Variants in MED27 observed in about 807,000 individuals in gnomAD.
MED27 encodes mediator complex subunit 27.
Under a neutral mutation model 38.2 loss-of-function variants are expected in MED27, and 30 were observed. That is an observed-to-expected ratio of 0.79 (90% CI 0.59 to 1.07). The LOEUF (loss-of-function observed/expected upper bound fraction) is 1.07. MED27 is among the 50% of genes least tolerant of loss of function. The pLI is 0.00. For synonymous variants in MED27, 122 were observed against 153.5 expected (o/e 0.79, Z 1.52); for missense variants, 289 against 397.5 (o/e 0.73, Z 2.32).
chr9:131,903,255 A>C (rs1312427436), intron 4 of MED27, among the ~76,000 whole-genome samples: 1 of 152,084 alleles, frequency 6.6e-6, no homozygotes, highest in Non-Finnish European at 1.5e-5. Context: ...GCAGGCAAAG[A>C]GAGAGCTTGT....
intron 4 of MED27, among the ~76,000 whole-genome samples, chr9:131,922,222 G>A (rs1285521822): frequency 6.6e-6 from 1 of 151,764 alleles, no homozygotes; most frequent in Non-Finnish European, 1.5e-5. Context: ...AAAAGAAAGA[G>A]CTTTCCCACA....
chr9:131,876,083 G>A (rs370791486), intron 6 of MED27, among the ~76,000 whole-genome samples: 8 of 152,204 alleles, frequency 5.3e-5, no homozygotes, highest in Admixed American at 1.3e-4. Flanking sequence ...CTTAGAGAGC[G>A]GATGGGTGGG....
chr9:131,939,549 C>T lies in MED27; in HGVS notation c.480-75G>A, dbSNP rs1830746984. ...CTACAGATTAATAGTATTCAAAAGA[C>T]ATTGCTTTTAAATATAATTTTAAAT... On this transcript the variant is annotated intron_variant, in intron 3 of 7. Transcript: ENST00000292035. 1.2e-5 allele frequency: 10 copies of T among 868,352 alleles called. 1 individual carries two copies. The South Asian group carries it at 2.0e-4, about 17-fold the overall frequency. 53.8% of individuals were successfully genotyped at this position (868,352 alleles called of 1,614,324 possible). A position where few individuals can be genotyped will look rare whatever the true frequency, so the allele number is the denominator to read the frequency against.
chr9:132,053,012 G>A (rs1367248072), intron 2 of MED27, among the ~76,000 whole-genome samples: 1 of 152,166 alleles, frequency 6.6e-6, no homozygotes, highest in South Asian at 2.1e-4. Context: ...CCAGCACTTT[G>A]GGAGGCCGAG....
intron 3 of MED27, among the ~76,000 whole-genome samples, chr9:131,966,196 CT>C (rs201303532): frequency 9.7e-5 from 8 of 82,198 alleles, no homozygotes; most frequent in African/African-American, 3.5e-4. Flanking sequence ...GAGCCTGTTT[CT>C]TTAAAAAAAA....
rs1295712000 is a variant in MED27, at chr9:131,968,755, T to A, written c.480-29281A>T. On this transcript the variant is annotated intron_variant, in intron 3 of 7. Coordinates refer to ENST00000292035, the MANE Select transcript of MED27 (RefSeq NM_004269.4). Reference sequence around the variant, plus strand: ...CCTGGGCCACAGACGGGTACCAGTCTGAGCCTGTTAGGAACTGGGCCGCAC... The same window carrying A: ...CCTGGGCCACAGACGGGTACCAGTCAGAGCCTGTTAGGAACTGGGCCGCAC... Among the ~76,000 whole-genome samples, 10 of 152,226 alleles carry A rather than the reference T, an allele frequency of 6.6e-5. 1 individual carries two copies. Among genetic ancestry groups the A allele is most frequent in the Admixed American group, 6.5e-4 (10 of 15,288 alleles).
intron 2 of MED27, among the ~76,000 whole-genome samples, chr9:132,028,858 C>T (rs538769481): frequency 2.6e-5 from 4 of 152,288 alleles, no homozygotes; most frequent in Admixed American, 6.5e-5. Flanking sequence ...CAGGAATTCA[C>T]ACTGTAACAA....
At chr9:132,064,756 T>C (rs1589298531) in intron 2 of MED27, among the ~76,000 whole-genome samples, 1 of 152,162 alleles carries the variant, frequency 6.6e-6, no homozygotes, top group Non-Finnish European at 1.5e-5. Flanking sequence ...CAAGACAAAA[T>C]TTCCTTCATG....
intron 3 of MED27, among the ~76,000 whole-genome samples, chr9:131,988,650 G>T (rs573844139): frequency 5.3e-5 from 8 of 151,260 alleles, no homozygotes; most frequent in African/African-American, 1.7e-4. Flanking sequence ...TTTTTTTTGC[G>T]GGGGGATTGG....
intron 4 of MED27, among the ~76,000 whole-genome samples, chr9:131,929,945 G>A (rs777264892): frequency 5.3e-5 from 8 of 152,206 alleles, no homozygotes; most frequent in Non-Finnish European, 1.2e-4. Context: ...TGCTGCGCTG[G>A]CCTCAAGTCT....
At chr9:132,046,469 T>C (rs1287347420) in intron 2 of MED27, among the ~76,000 whole-genome samples, 1 of 152,096 alleles carries the variant, frequency 6.6e-6, no homozygotes, top group Non-Finnish European at 1.5e-5. Context: ...TGGATGCAAG[T>C]AAGACAGAGG....
At chr9:131,983,117 C>T (rs1413385684) in intron 3 of MED27, among the ~76,000 whole-genome samples, 1 of 152,162 alleles carries the variant, frequency 6.6e-6, no homozygotes, top group Non-Finnish European at 1.5e-5. Context: ...TTGTCCCAGG[C>T]ATAATACTAG....
chr9:131,985,968 AAAAT>A (rs1393309810), intron 3 of MED27, among the ~76,000 whole-genome samples: 5 of 152,102 alleles, frequency 3.3e-5, no homozygotes, highest in African/African-American at 9.6e-5. Context: ...AAGTAAGAAA[AAAAT>A]AAATAAAATA....
intron 3 of MED27, among the ~76,000 whole-genome samples, chr9:131,968,414 C>T (rs943908012): frequency 4.1e-5 from 6 of 145,670 alleles, no homozygotes; most frequent in African/African-American, 1.5e-4. Context: ...GTTGAGGCTG[C>T]AGTGAGCCTA....
intron 2 of MED27, among the ~76,000 whole-genome samples, chr9:132,044,580 A>G (rs149000522): frequency 1.5e-3 from 229 of 152,342 alleles, no homozygotes; most frequent in Admixed American, 2.6e-3. Context: ...CAGGCCGCCC[A>G]CTGCACCAGA....
chr9:132,001,762 A>G (rs943025324), intron 3 of MED27, among the ~76,000 whole-genome samples: 4 of 152,112 alleles, frequency 2.6e-5, no homozygotes, highest in African/African-American at 9.7e-5. Context: ...CATTCCCCCC[A>G]CAATGCTCAT....
intron 6 of MED27, 76 bp from the exon 7 acceptor site, chr9:131,863,216 C>T (rs186347955): frequency 9.9e-5 from 118 of 1,186,428 alleles, no homozygotes; most frequent in Non-Finnish European, 1.4e-4. Flanking sequence ...CAAATGCACG[C>T]CTTCTGTGTG....
At chr9:132,071,386 G>A (rs867343858) in intron 2 of MED27, among the ~76,000 whole-genome samples, 6 of 151,520 alleles carry the variant, frequency 4.0e-5, no homozygotes, top group Non-Finnish European at 7.4e-5. Context: ...GCACACACAC[G>A]AGTAACGCAC....
intron 2 of MED27, among the ~76,000 whole-genome samples, chr9:132,021,140 A>C (rs1443110743): frequency 1.3e-5 from 2 of 152,216 alleles, no homozygotes; most frequent in Non-Finnish European, 2.9e-5. Flanking sequence ...AAAGCTATCC[A>C]AGAAGTAAAC....
Sources: allele counts gnomAD v4.1 joint callset (sites outside exome capture counted in the v4.1 genomes callset), GRCh38; gene constraint gnomAD v4.1.1; transcripts MANE v1.5; gene names NCBI Gene and HGNC (gene_info 2026-07-23, HGNC 2026-07-21).